Variants in PCMT1 observed in about 807,000 individuals in gnomAD.
The protein encoded by PCMT1 is protein-L-isoaspartate(D-aspartate) O-methyltransferase.
PCMT1 carries 9 observed loss-of-function variants against 29.2 expected under a neutral mutation model. That is an observed-to-expected ratio of 0.31 (90% confidence interval 0.19 to 0.54). PCMT1 has a LOEUF of 0.54. PCMT1 is among the 20% of genes least tolerant of loss of function. The pLI is 0.95. For missense variants in PCMT1, 184 were observed against 282.2 expected, an observed-to-expected ratio of 0.65 and a Z score of 2.49; for synonymous variants, 98 against 97.5, an observed-to-expected ratio of 1.00 and a Z score of -0.03.
intron 1 of PCMT1, among the ~76,000 whole-genome samples, chr6:149,752,201 C>T (rs1420880017): frequency 1.3e-5 from 2 of 151,000 alleles, no homozygotes; most frequent in Admixed American, 6.6e-5. Context: ...TAGATGTCAA[C>T]ATTTTTTTTT....
intron 4 of PCMT1, among the ~76,000 whole-genome samples, chr6:149,790,633 G>C (rs960124307): frequency 2.0e-5 from 3 of 151,312 alleles, no homozygotes; most frequent in African/African-American, 7.3e-5. Flanking sequence ...TACAGTACTT[G>C]GTGGGGCATG....
chr6:149,776,032 G>A (rs1787550621), intron 3 of PCMT1, among the ~76,000 whole-genome samples: 1 of 151,948 alleles, frequency 6.6e-6, no homozygotes, highest in Non-Finnish European at 1.5e-5. Flanking sequence ...GGTGGCGCAT[G>A]CCTGTAATCC....
chr6:149,773,072 A>G, intron 2 of PCMT1, 66 bp from the exon 3 acceptor site: 1 of 1,252,384 alleles, frequency 8.0e-7, no homozygotes, highest in Non-Finnish European at 1.1e-6. Context: ...ATGGTAGAAA[A>G]GAAATTATGT....
At chr6:149,758,971 G>T (rs1315744808) in intron 1 of PCMT1, among the ~76,000 whole-genome samples, 1 of 151,952 alleles carries the variant, frequency 6.6e-6, no homozygotes. Context: ...CCACCTTGTG[G>T]GTTCAAGTGA....
At chr6:149,807,334 A>G (rs1262601130) in intron 7 of PCMT1, among the ~76,000 whole-genome samples, 1 of 151,980 alleles carries the variant, frequency 6.6e-6, no homozygotes, top group Non-Finnish European at 1.5e-5. Context: ...ATATGTAAAA[A>G]TATTTTGTTA....
intron 4 of PCMT1, among the ~76,000 whole-genome samples, chr6:149,792,784 G>A (rs539057480): frequency 6.6e-6 from 1 of 152,216 alleles, no homozygotes; most frequent in East Asian, 1.9e-4. Context: ...CTCCCAAAGT[G>A]CTGGGATTAT....
At chr6:149,763,136 G>GAT (rs1194731968) in intron 1 of PCMT1, among the ~76,000 whole-genome samples, 2 of 52,762 alleles carry the variant, frequency 3.8e-5, no homozygotes, top group Non-Finnish European at 5.4e-5. Context: ...TGATATATAT[G>GAT]ATATATATAT....
chr6:149,777,361 G>A (rs970742507), intron 3 of PCMT1, among the ~76,000 whole-genome samples: 2 of 152,200 alleles, frequency 1.3e-5, no homozygotes, highest in Non-Finnish European at 2.9e-5. Context: ...TGTACAGAAC[G>A]TGTATAATTT....
intron 5 of PCMT1, among the ~76,000 whole-genome samples, chr6:149,794,113 G>T (rs1006097183): frequency 6.6e-6 from 1 of 152,002 alleles, no homozygotes; most frequent in African/African-American, 2.4e-5. Flanking sequence ...ATTTTTTTCA[G>T]TGCTTTCTGT....
intron 1 of PCMT1, among the ~76,000 whole-genome samples, chr6:149,751,587 T>G (rs1786324418): frequency 6.7e-6 from 1 of 149,404 alleles, no homozygotes; most frequent in Admixed American, 6.7e-5. Flanking sequence ...GTTCAAACAA[T>G]TGTCCTGTCT....
At chr6:149,788,208 C>T (rs755311739) in intron 3 of PCMT1, among the ~76,000 whole-genome samples, 9 of 152,110 alleles carry the variant, frequency 5.9e-5, no homozygotes, top group South Asian at 2.1e-4. Context: ...CCACTGTGCC[C>T]GGCCAATGCT....
chr6:149,779,576 G>A (rs56374774), intron 3 of PCMT1, among the ~76,000 whole-genome samples: 81,088 of 152,020 alleles, frequency 0.53, 24,825 homozygotes, highest in East Asian at 0.83. Context: ...TTGGGAGGCC[G>A]AGGCAGGTGG....
At chr6:149,808,172 C>A (rs1007009838) in intron 7 of PCMT1, among the ~76,000 whole-genome samples, 14 of 151,820 alleles carry the variant, frequency 9.2e-5, no homozygotes, top group Non-Finnish European at 1.8e-4. Context: ...TTAATAAAAT[C>A]TAATAAATAA....
chr6:149,789,863 G>A, intron 3 of PCMT1, 91 bp from the exon 4 acceptor site: 3 of 724,198 alleles, frequency 4.1e-6, no homozygotes, highest in East Asian at 2.7e-5. Flanking sequence ...GATGACAATA[G>A]TAGAAAAATT....
chr6:149,771,061 T>C, intron 1 of PCMT1, 101 bp from the exon 2 acceptor site: 1 of 589,774 alleles, frequency 1.7e-6, no homozygotes, highest in Non-Finnish European at 2.9e-6. Context: ...CCAATCATTC[T>C]CTCTTCCAGT....
chr6:149,782,285 A>G (rs1181505232), intron 3 of PCMT1, among the ~76,000 whole-genome samples: 1 of 152,148 alleles, frequency 6.6e-6, no homozygotes, highest in African/African-American at 2.4e-5. Flanking sequence ...TGAATCATTT[A>G]TTGCATAAAT....
chr6:149,774,283 A>T (rs1787461188), intron 3 of PCMT1, among the ~76,000 whole-genome samples: 1 of 150,584 alleles, frequency 6.6e-6, no homozygotes, highest in African/African-American at 2.4e-5. Flanking sequence ...ACTGTTGCCC[A>T]GGCTGGTGTG....
intron 3 of PCMT1, among the ~76,000 whole-genome samples, chr6:149,780,065 A>G (rs756397259): frequency 5.3e-5 from 8 of 151,500 alleles, no homozygotes; most frequent in Admixed American, 2.0e-4. Flanking sequence ...TTGGCTAGGT[A>G]CAGTACCTTG....
At chr6:149,791,811 A>T (rs566285135) in intron 4 of PCMT1, among the ~76,000 whole-genome samples, 3 of 152,186 alleles carry the variant, frequency 2.0e-5, no homozygotes, top group African/African-American at 7.2e-5. Flanking sequence ...TGACATGTTT[A>T]TAGTTTTAGA....
Sources: gnomAD v4.1 joint callset for allele counts (sites outside exome capture counted in the v4.1 genomes callset) on GRCh38, gnomAD v4.1.1 for gene constraint, MANE v1.5 for transcripts, NCBI Gene and HGNC (gene_info 2026-07-23, HGNC 2026-07-21) for gene names.